TAFA2: variants seen among roughly 807,000 people sequenced by gnomAD.
TAFA2 encodes the protein chemokine-like protein TAFA-2.
TAFA2 carries 7 observed loss-of-function variants against 18.8 expected under a neutral mutation model. The observed-to-expected ratio is 0.37, with a 90% CI of 0.21 to 0.70. TAFA2 has a LOEUF of 0.70. TAFA2 is among the 30% of genes least tolerant of loss of function. The pLI is 0.53. For synonymous variants in TAFA2, 60 were observed against 54.2 expected (o/e 1.11, Z -0.47); for missense variants, 122 against 158.1 (o/e 0.77, Z 1.23).
At chr12:62,077,472 GA>G (rs1183055381) in intron 1 of TAFA2, among the ~76,000 whole-genome samples, 1 of 152,138 alleles carries the variant, frequency 6.6e-6, no homozygotes, top group East Asian at 1.9e-4. Context: ...TTGCTAAAAG[GA>G]AAGTAATATT....
At chr12:62,245,762 C>G (rs1371569239) in intron 1 of TAFA2, among the ~76,000 whole-genome samples, 2 of 146,998 alleles carry the variant, frequency 1.4e-5, no homozygotes, top group African/African-American at 2.5e-5. Flanking sequence ...ATATATAAAG[C>G]AATATATATA....
chr12:62,015,052 C>T (rs1880887079), intron 1 of TAFA2, among the ~76,000 whole-genome samples: 1 of 152,222 alleles, frequency 6.6e-6, no homozygotes, highest in African/African-American at 2.4e-5. Flanking sequence ...AATGAGCCTT[C>T]TTCTCCCCTA....
At chr12:61,933,557 T>A (rs1286895446) in intron 1 of TAFA2, among the ~76,000 whole-genome samples, 2 of 151,892 alleles carry the variant, frequency 1.3e-5, no homozygotes, top group South Asian at 4.1e-4. Flanking sequence ...TACAAAAAAA[T>A]TAAAAAATTA....
At chr12:62,016,430 C>T (rs928097524) in intron 1 of TAFA2, among the ~76,000 whole-genome samples, 1 of 152,120 alleles carries the variant, frequency 6.6e-6, no homozygotes, top group Non-Finnish European at 1.5e-5. Context: ...AAAAGCTTAA[C>T]TTTGAAAATA....
intron 2 of TAFA2, among the ~76,000 whole-genome samples, chr12:61,836,732 G>GATATATATGTGTATATATAT (rs58543429): frequency 3.5e-5 from 4 of 112,786 alleles, no homozygotes; most frequent in African/African-American, 1.2e-4. Context: ...TTGCCAATTT[G>GATATATATGTGTATATATAT]ATATATATAT....
intron 2 of TAFA2, among the ~76,000 whole-genome samples, chr12:61,795,470 T>C (rs1420383452): frequency 2.0e-5 from 3 of 152,012 alleles, no homozygotes; most frequent in Non-Finnish European, 4.4e-5. Flanking sequence ...CTCAGCAAAC[T>C]ATCGCAAGGA....
intron 1 of TAFA2, among the ~76,000 whole-genome samples, chr12:62,111,587 T>C (rs1436120311): frequency 2.0e-5 from 3 of 152,214 alleles, no homozygotes. Flanking sequence ...GACAGTGTGG[T>C]ATTAAAATCT....
At chr12:62,113,237 G>T (rs1387984853) in intron 1 of TAFA2, among the ~76,000 whole-genome samples, 2 of 152,102 alleles carry the variant, frequency 1.3e-5, no homozygotes, top group African/African-American at 2.4e-5. Context: ...TAACAGTCAG[G>T]ACCCTCTGCT....
At chr12:62,255,227 T>C (rs981007983) in intron 1 of TAFA2, 1 of 152,206 alleles carries the variant, frequency 6.6e-6, no homozygotes, top group Non-Finnish European at 1.5e-5. Flanking sequence ...CTAAAGTCCA[T>C]CCATTATTAT....
intron 1 of TAFA2, among the ~76,000 whole-genome samples, chr12:62,055,133 C>A (rs969167753): frequency 3.3e-5 from 5 of 152,130 alleles, no homozygotes; most frequent in African/African-American, 1.2e-4. Flanking sequence ...GCTCCCTCCC[C>A]ACTTCCACCA....
At chr12:61,977,368 C>A (rs1425747954) in intron 1 of TAFA2, among the ~76,000 whole-genome samples, 1 of 152,016 alleles carries the variant, frequency 6.6e-6, no homozygotes, top group Non-Finnish European at 1.5e-5. Context: ...TCCTGATAGT[C>A]TATGCTTTTC....
chr12:61,773,602 GGA>G (rs1870127164), intron 2 of TAFA2, among the ~76,000 whole-genome samples: 1 of 151,946 alleles, frequency 6.6e-6, no homozygotes, highest in Non-Finnish European at 1.5e-5. Context: ...AACATAAAGT[GGA>G]GAGAGGACAC....
chr12:62,220,233 A>T (rs562030866), intron 1 of TAFA2, among the ~76,000 whole-genome samples: 1 of 152,244 alleles, frequency 6.6e-6, no homozygotes, highest in Non-Finnish European at 1.5e-5. Flanking sequence ...ACTTTTAAAA[A>T]ATTACAAAAT....
At chr12:61,974,644 C>G (rs1879366560) in intron 1 of TAFA2, among the ~76,000 whole-genome samples, 1 of 151,692 alleles carries the variant, frequency 6.6e-6, no homozygotes, top group Non-Finnish European at 1.5e-5. Context: ...GCAGTGCCAC[C>G]AGGAGCAGCT....
chr12:61,966,689 A>C (rs1168277172), intron 1 of TAFA2, among the ~76,000 whole-genome samples: 1 of 151,914 alleles, frequency 6.6e-6, no homozygotes, highest in Non-Finnish European at 1.5e-5. Flanking sequence ...AATTAAATTG[A>C]AAAAGGGCTG....
At chr12:61,875,349 T>C (rs1874796012) in intron 1 of TAFA2, among the ~76,000 whole-genome samples, 1 of 152,088 alleles carries the variant, frequency 6.6e-6, no homozygotes, top group African/African-American at 2.4e-5. Flanking sequence ...TATTCAGTGC[T>C]CCTCTCCTTA....
chr12:61,830,982 T>C (rs1417123907), intron 2 of TAFA2, among the ~76,000 whole-genome samples: 1 of 152,092 alleles, frequency 6.6e-6, no homozygotes, highest in East Asian at 1.9e-4. Flanking sequence ...TACATATTTT[T>C]TCTAGATTTT....
intron 1 of TAFA2, among the ~76,000 whole-genome samples, chr12:62,250,023 GTTTA>G (rs746083398): frequency 3.3e-5 from 5 of 152,144 alleles, no homozygotes; most frequent in Non-Finnish European, 7.4e-5. Context: ...ATGAAAAAGG[GTTTA>G]TTTGTCTCAG....
At chr12:62,248,538 T>C (rs1324150043) in intron 1 of TAFA2, among the ~76,000 whole-genome samples, 3 of 152,174 alleles carry the variant, frequency 2.0e-5, no homozygotes, top group East Asian at 3.9e-4. Context: ...TTTTACTGTA[T>C]TGTGGCAAGA....
Sources: gnomAD v4.1 joint callset for allele counts (sites outside exome capture counted in the v4.1 genomes callset) on GRCh38, gnomAD v4.1.1 for gene constraint, MANE v1.5 for transcripts, NCBI Gene and HGNC (gene_info 2026-07-23, HGNC 2026-07-21) for gene names.